BEND7: variants seen among roughly 807,000 people sequenced by gnomAD.
BEND7 encodes BEN domain-containing protein 7.
BEND7 carries 28 observed loss-of-function variants against 50.9 expected under a neutral mutation model. The ratio of observed to expected loss-of-function variants is 0.55; its 90% CI spans 0.41 to 0.75. The LOEUF (loss-of-function observed/expected upper bound fraction) is 0.75, where lower values mean the gene tolerates loss of function less well. Among genes scored for constraint, BEND7 ranks in the 30% least tolerant of loss-of-function variants. The probability of loss-of-function intolerance (pLI) is 0.00; values close to 1 mark genes in which losing one functional copy is unlikely to be tolerated. For missense variants in BEND7, 477 were observed against 491.3 expected (o/e 0.97, Z 0.28); for synonymous variants, 170 against 183.9 (o/e 0.92, Z 0.61).
intron 3 of BEND7, among the ~76,000 whole-genome samples, chr10:13,498,938 TTC>T (rs1290729801): frequency 2.0e-5 from 3 of 152,198 alleles, no homozygotes; most frequent in Non-Finnish European, 4.4e-5. Context: ...GTCAAAACAG[TTC>T]TCTTTTTCTT....
chr10:13,512,796 T>C (rs1275895538), intron 2 of BEND7, among the ~76,000 whole-genome samples: 1 of 152,238 alleles, frequency 6.6e-6, no homozygotes, highest in Non-Finnish European at 1.5e-5. Context: ...TTATTAATAA[T>C]GATGACAAAC....
intron 6 of BEND7, among the ~76,000 whole-genome samples, chr10:13,472,612 T>C (rs2074986023): frequency 6.6e-6 from 1 of 151,404 alleles, no homozygotes; most frequent in Non-Finnish European, 1.5e-5. Flanking sequence ...CTGTTAAGAC[T>C]TGGGATTGAT....
chr10:13,503,227 CT>C (rs1324570953), intron 2 of BEND7, among the ~76,000 whole-genome samples: 2 of 152,178 alleles, frequency 1.3e-5, no homozygotes, highest in Non-Finnish European at 2.9e-5. Context: ...TGGGCTGCGC[CT>C]GCCGTGTGCA....
At chr10:13,514,599 C>T (rs2078524532) in intron 2 of BEND7, among the ~76,000 whole-genome samples, 1 of 152,270 alleles carries the variant, frequency 6.6e-6, no homozygotes, top group South Asian at 2.1e-4. Context: ...TTGGGTCGGA[C>T]GTGGGCCACC....
At position 13,447,246 on chromosome 10, in the gene BEND7, T is replaced by C. The variant is rs375546495; in HGVS notation, c.1234+20A>G. On this transcript the variant is annotated intron_variant, in intron 8 of 8. Coordinates refer to ENST00000466271, the MANE Select transcript of BEND7 (RefSeq NM_001369863.1). ...TGTATTTTCCAGGAGGTGATGAAAATGTAAATGCGTTTTATTTACCTGTTG... is the reference window on the plus strand; with the variant it reads ...TGTATTTTCCAGGAGGTGATGAAAACGTAAATGCGTTTTATTTACCTGTTG... 23 of 1,613,154 alleles carry C rather than the reference T, an allele frequency of 1.4e-5. No homozygotes were observed. The highest frequency in any genetic ancestry group is 1.0e-4 in the Admixed American group (6 of 59,946).
At chr10:13,498,757 G>T (rs1179116499) in intron 3 of BEND7, among the ~76,000 whole-genome samples, 1 of 152,084 alleles carries the variant, frequency 6.6e-6, no homozygotes, top group East Asian at 1.9e-4. Context: ...TCTTTAAAGA[G>T]CTGTGTCCCT....
At chr10:13,439,454 T>G (rs564844893), downstream of BEND7, 1 of 1,613,828 alleles carries the variant, frequency 6.2e-7, no homozygotes, top group African/African-American at 1.3e-5. Context: ...GGGTCACCGC[T>G]GCACTCCCAC....
chr10:13,440,295 C>T (rs1835163118), downstream of BEND7, among the ~76,000 whole-genome samples: 1 of 152,216 alleles, frequency 6.6e-6, no homozygotes, highest in Non-Finnish European at 1.5e-5. Context: ...ACACAAGGGA[C>T]CCCAGGAAGC....
At chr10:13,486,308 C>T (rs11258414) in intron 5 of BEND7, among the ~76,000 whole-genome samples, 5,957 of 152,290 alleles carry the variant, frequency 0.039, 337 homozygotes, top group African/African-American at 0.13. Context: ...GGATTATAGG[C>T]GGGAGCCAAC....
rs1218408581 is a variant in BEND7, at chr10:13,528,553, CG to C, written c.-21del. 2.0e-6 allele frequency: 2 copies of C among 1,016,020 alleles called. No homozygotes were observed. The highest frequency in any genetic ancestry group is 2.3e-6 in the Non-Finnish European group (2 of 851,704). 62.9% of individuals were successfully genotyped at this position (1,016,020 alleles called of 1,614,324 possible). On this transcript the variant is annotated 5_prime_UTR_variant, in exon 1 of 9. Transcript: ENST00000466271. Reference sequence around the variant, plus strand: ...CTCCATGGTGCGGGGAAGGCGGCGGCGGGGGCTGAGGAGGCGGCGGCAGCGG... The same window carrying C: ...CTCCATGGTGCGGGGAAGGCGGCGGCGGGGCTGAGGAGGCGGCGGCAGCGG...
At chr10:13,441,010 C>A, downstream of BEND7, 1 of 748,998 alleles carries the variant, frequency 1.3e-6, no homozygotes, top group Middle Eastern at 6.7e-4. Flanking sequence ...ATTAATGATA[C>A]CTTTTAATTA....
At chr10:13,495,387 C>T (rs1183032673) in intron 4 of BEND7, among the ~76,000 whole-genome samples, 1 of 152,310 alleles carries the variant, frequency 6.6e-6, no homozygotes, top group East Asian at 1.9e-4. Context: ...TTTAGCCCGG[C>T]GCGGTGGCTC....
intron 2 of BEND7, among the ~76,000 whole-genome samples, chr10:13,524,863 C>G (rs2079341516): frequency 6.6e-6 from 1 of 152,126 alleles, no homozygotes; most frequent in Non-Finnish European, 1.5e-5. Flanking sequence ...TCAATGATCG[C>G]TCATGTAAGA....
rs552862061 is a variant in BEND7 at position 13,447,362 on chromosome 10, G to A, written c.1184-46C>T. 6 of 1,593,498 alleles carry A rather than the reference G, an allele frequency of 3.8e-6. No individual in the cohort carries two copies. The African/African-American group carries it at 4.0e-5, about 11-fold the overall frequency. Reference sequence around the variant, plus strand: ...ACACAAATCTCATTAGTTCCAGGGAGCACATTCATTTTACAGAAAATAGTG... The same window carrying A: ...ACACAAATCTCATTAGTTCCAGGGAACACATTCATTTTACAGAAAATAGTG... On this transcript the variant is annotated intron_variant, in intron 7 of 8. Transcript: ENST00000466271.
intron 8 of BEND7, chr10:13,443,481 G>A (rs1835658734): frequency 6.5e-6 from 1 of 152,686 alleles, no homozygotes; most frequent in South Asian, 2.1e-4. Flanking sequence ...TGACATGGCT[G>A]GAGGTGGGCG....
rs113945389 is a variant in BEND7 at position 13,499,863 on chromosome 10, C to T, written c.363G>A (p.Pro121=). ...PSSRGVWNEL[P]PQSGQFSGQY... is the part of the protein sequence containing the mutation. ...GCCCTGAGAACTGTCCACTCTGGGG[C>T]GGTAGCTCATTCCACACACCACGTG... The change falls in exon 3 of 9, where the codon CCG becomes CCA. Residue 121 remains proline, a synonymous_variant. Coordinates refer to ENST00000466271, the MANE Select transcript of BEND7 (RefSeq NM_001369863.1). 1.4e-4 allele frequency: 224 copies of T among 1,614,132 alleles called. 1 individual carries two copies. The African/African-American group carries it at 1.5e-3, about 11-fold the overall frequency.
intron 2 of BEND7, among the ~76,000 whole-genome samples, chr10:13,510,668 G>A (rs1470852989): frequency 1.3e-5 from 2 of 152,152 alleles, no homozygotes; most frequent in African/African-American, 4.8e-5. Context: ...CATCTCATTC[G>A]CTACAGGATA....
At chr10:13,450,125 G>A (rs60925037) in intron 7 of BEND7, among the ~76,000 whole-genome samples, 61 of 152,306 alleles carry the variant, frequency 4.0e-4, no homozygotes, top group African/African-American at 1.3e-3. Flanking sequence ...TCCATGTGAC[G>A]ACAGCCCCAA....
Position 13,441,532 on chromosome 10 carries a change from T to G in BEND7, c.*211A>C. The G allele has an allele frequency of 1.4e-6, 2 of 1,396,572 alleles. No homozygotes were observed. The highest frequency in any genetic ancestry group is 1.9e-6 in the Non-Finnish European group (2 of 1,077,146). 86.5% of individuals were successfully genotyped at this position (1,396,572 alleles called of 1,614,324 possible). On this transcript the variant is annotated 3_prime_UTR_variant, in exon 9 of 9. Transcript: ENST00000466271. ...GCCCCGCCTTGGAAGGCAGTGCTTC[T>G]GAAGGTTCCCAGCAGATCTCTTAAC...
Sources: gnomAD v4.1 joint callset for allele counts (sites outside exome capture counted in the v4.1 genomes callset) on GRCh38, gnomAD v4.1.1 for gene constraint, MANE v1.5 for transcripts, NCBI Gene and HGNC (gene_info 2026-07-23, HGNC 2026-07-21) for gene names.